The following RBPJ variants were observed in gnomAD, a reference collection of about 807,000 sequenced individuals.
RBPJ encodes the protein recombining binding protein suppressor of hairless.
A neutral mutation model predicts 67.8 loss-of-function variants in RBPJ; 9 were observed. That is an observed-to-expected ratio of 0.13 (90% CI 0.08 to 0.23). The LOEUF is 0.23. RBPJ is among the 10% of genes least tolerant of loss of function. The probability of loss-of-function intolerance (pLI) is 1.00; values close to 1 mark genes in which losing one functional copy is unlikely to be tolerated. For missense variants in RBPJ, 305 were observed against 595.6 expected (o/e 0.51, Z 5.08); for synonymous variants, 198 against 203.3 (o/e 0.97, Z 0.22).
At chr4:26,340,322 C>T (rs960083689) in intron 1 of RBPJ, among the ~76,000 whole-genome samples, 1 of 152,094 alleles carries the variant, frequency 6.6e-6, no homozygotes, top group Admixed American at 6.6e-5. Context: ...TAACACCTGC[C>T]AGGTTGGAGC....
At position 26,178,607 on chromosome 4, in the gene RBPJ, C is replaced by CAA. The variant is rs1173498137; in HGVS notation, c.-167+15014_-167+15015dup. On this transcript the variant is annotated intron_variant, in intron 1 of 4. Transcript: ENST00000512351. Reference sequence around the variant, plus strand: ...TGGGTGACAGAGCAAGACCCCGTATCAAAAAAAAAAAAAAAAAAAAAAGAA... The same window carrying CAA: ...TGGGTGACAGAGCAAGACCCCGTATCAAAAAAAAAAAAAAAAAAAAAAAAGAA... Among the ~76,000 whole-genome samples, 207 of 58,642 alleles carry CAA rather than the reference C, an allele frequency of 3.5e-3. 3 individuals are homozygous for CAA. Among genetic ancestry groups the CAA allele is most frequent in the Non-Finnish European group, 4.6e-3 (157 of 33,874 alleles). The allele number at this position is 58,642 out of a possible 152,430, so 38.5% of individuals were successfully genotyped here. A position where few individuals can be genotyped will look rare whatever the true frequency, so the allele number is the denominator to read the frequency against.
chr4:26,181,438 T>C (rs1285642647), intron 1 of RBPJ, among the ~76,000 whole-genome samples: 1 of 152,220 alleles, frequency 6.6e-6, no homozygotes, highest in Non-Finnish European at 1.5e-5. Context: ...CCTTCCTCCC[T>C]CTCCATACCT....
At chr4:26,232,197 G>A (rs4235009) in intron 1 of RBPJ, among the ~76,000 whole-genome samples, 147,742 of 152,320 alleles carry the variant, frequency 0.97, 71,676 homozygotes, top group Middle Eastern at 1. Flanking sequence ...TGCCCAATCA[G>A]TTGCTTTATT....
intron 1 of RBPJ, among the ~76,000 whole-genome samples, chr4:26,281,216 A>T (rs549109908): frequency 6.6e-6 from 1 of 152,274 alleles, no homozygotes; most frequent in South Asian, 2.1e-4. Context: ...GTATCTAAAA[A>T]TCTTATTTAA....
chr4:26,245,726 T>C (rs1719907515), intron 1 of RBPJ, among the ~76,000 whole-genome samples: 1 of 152,204 alleles, frequency 6.6e-6, no homozygotes, highest in Non-Finnish European at 1.5e-5. Flanking sequence ...GTTAGCCCTA[T>C]AATTTTCTCT....
At chr4:26,361,379 A>G (rs1295216520) in intron 1 of RBPJ, among the ~76,000 whole-genome samples, 9 of 152,142 alleles carry the variant, frequency 5.9e-5, no homozygotes, top group Admixed American at 5.9e-4. Flanking sequence ...ATTTTTTCTG[A>G]CAGTGGATTG....
intron 1 of RBPJ, among the ~76,000 whole-genome samples, chr4:26,287,582 AGGAG>A (rs1240531243): frequency 1.3e-3 from 21 of 15,970 alleles, no homozygotes; most frequent in African/African-American, 8.4e-3. Flanking sequence ...AGGAAAGGAC[AGGAG>A]AGGAGAGGGG....
At chr4:26,282,924 CTTTT>C (rs67501530) in intron 1 of RBPJ, among the ~76,000 whole-genome samples, 2 of 61,656 alleles carry the variant, frequency 3.2e-5, no homozygotes, top group Non-Finnish European at 5.5e-5. Flanking sequence ...AGTGTAGATT[CTTTT>C]TTTTTTTTTT....
At chr4:26,298,107 A>G (rs1174582743) in intron 1 of RBPJ, among the ~76,000 whole-genome samples, 1 of 152,230 alleles carries the variant, frequency 6.6e-6, no homozygotes, top group Non-Finnish European at 1.5e-5. Context: ...TGAATGCCGT[A>G]GGCCATTTTG....
Position 26,321,046 on chromosome 4 carries a change from A to T in RBPJ, c.18A>T (p.Thr6=). The change falls in exon 1 of 11, where the codon ACA becomes ACT. Residue 6 remains threonine, a splice_region_variant and synonymous_variant. Coordinates refer to ENST00000355476, the MANE Select transcript of RBPJ (RefSeq NM_015874.6). MAPVV[T]GKFGERPPPK... is the part of the protein sequence containing the mutation. Reference sequence around the variant, plus strand: ...TGTGGAAGATGGCGCCTGTTGTGACAGGGTAAGTCTGAGGGAATCGGAGCG... The same window carrying T: ...TGTGGAAGATGGCGCCTGTTGTGACTGGGTAAGTCTGAGGGAATCGGAGCG... The T allele has an allele frequency of 6.2e-7, 1 of 1,610,598 alleles. No homozygotes were observed. The highest frequency in any genetic ancestry group is 8.5e-7 in the Non-Finnish European group (1 of 1,177,194).
chr4:26,215,220 AAG>A lies in RBPJ; in HGVS notation c.-167+51612_-167+51613del, dbSNP rs1326989479. 2.2e-3 allele frequency among the ~76,000 whole-genome samples: 29 copies of A among 12,950 alleles called. 8 individuals are homozygous for A. The highest frequency in any genetic ancestry group is 0.011 in the African/African-American group (27 of 2,412). 8.5% of individuals were successfully genotyped at this position (12,950 alleles called of 152,430 possible). A position where few individuals can be genotyped will look rare whatever the true frequency, so the allele number is the denominator to read the frequency against. ...AAAAAGAGAGAGAAAGAAAGAGAAA[AAG>A]AGAGAAAAGAGAGAAAGAAAGAAAG... is the stretch of plus-strand genomic sequence containing the variant. On this transcript the variant is annotated intron_variant, in intron 1 of 4. Coordinates refer to the RBPJ transcript ENST00000512351.
chr4:26,150,786 G>A, the RBPJ span, among the ~76,000 whole-genome samples: 14 of 152,110 alleles, frequency 9.2e-5, no homozygotes, highest in Non-Finnish European at 1.9e-4. Flanking sequence ...TGAGGGAAAT[G>A]TTTGTAGGAA....
chr4:26,290,936 A>G (rs1721648164), intron 1 of RBPJ, among the ~76,000 whole-genome samples: 2 of 151,034 alleles, frequency 1.3e-5, no homozygotes, highest in Non-Finnish European at 3.0e-5. Context: ...AAGAAAGCAG[A>G]TATGCTAAAG....
intron 1 of RBPJ, among the ~76,000 whole-genome samples, chr4:26,180,918 A>G (rs1395348079): frequency 6.6e-6 from 1 of 152,228 alleles, no homozygotes; most frequent in Non-Finnish European, 1.5e-5. Flanking sequence ...ATTGAATCAT[A>G]GAGGCGAGTA....
chr4:26,127,294 C>T, the RBPJ span, among the ~76,000 whole-genome samples: 1 of 152,176 alleles, frequency 6.6e-6, no homozygotes, highest in Non-Finnish European at 1.5e-5. Context: ...GTTGCTGCTG[C>T]TCATTGCTAA....
At chr4:26,252,227 C>T (rs1720139629) in intron 1 of RBPJ, among the ~76,000 whole-genome samples, 1 of 151,882 alleles carries the variant, frequency 6.6e-6, no homozygotes, top group African/African-American at 2.4e-5. Flanking sequence ...TCATCCACCG[C>T]CCTCCCACCA....
chr4:26,229,158 T>C (rs931681606), intron 1 of RBPJ, among the ~76,000 whole-genome samples: 2 of 152,168 alleles, frequency 1.3e-5, no homozygotes, highest in Admixed American at 6.6e-5. Flanking sequence ...CTAAAGGAGA[T>C]TTAATAAACA....
At chr4:26,262,441 C>A (rs527733421) in intron 1 of RBPJ, among the ~76,000 whole-genome samples, 5 of 152,146 alleles carry the variant, frequency 3.3e-5, no homozygotes, top group Non-Finnish European at 7.3e-5. Flanking sequence ...AAAATTAATT[C>A]TGTTATTTAA....
At chr4:26,310,656 C>T (rs1295143333) in intron 1 of RBPJ, among the ~76,000 whole-genome samples, 1 of 144,270 alleles carries the variant, frequency 6.9e-6, no homozygotes, top group Non-Finnish European at 1.5e-5. Context: ...CTGTATTTGC[C>T]TGTTTTAACT....
Sources: allele counts gnomAD v4.1 joint callset (sites outside exome capture counted in the v4.1 genomes callset), GRCh38; gene constraint gnomAD v4.1.1; transcripts MANE v1.5; gene names NCBI Gene and HGNC (gene_info 2026-07-23, HGNC 2026-07-21).